Variants in CUBN observed in about 807,000 individuals in gnomAD.
The protein encoded by CUBN is cubilin, also known as 460 kDa receptor.
A neutral mutation model predicts 405.3 loss-of-function variants in CUBN; 282 were observed. The observed-to-expected ratio is 0.70, with a 90% CI of 0.63 to 0.77. The LOEUF is 0.77. Ranked by LOEUF, CUBN falls within the 30% of genes least tolerant of loss-of-function variation. The pLI is 0.00. For missense variants in CUBN, 4,514 were observed against 4,475.2 expected (o/e 1.01, Z -0.25); for synonymous variants, 1,684 against 1,617.0 (o/e 1.04, Z -0.99).
intron 48 of CUBN, among the ~76,000 whole-genome samples, chr10:16,911,990 A>AT (rs1478494295): frequency 1.4e-4 from 21 of 152,256 alleles, no homozygotes; most frequent in African/African-American, 4.3e-4. Context: ...AGTGGTTAGT[A>AT]TTTTTTCTAC....
In CUBN at chr10:16,948,490, C is replaced by T. The variant is rs780475475; in HGVS notation, c.5197G>A (p.Ala1733Thr). Residue 1733 changes from alanine to threonine, a missense_variant, in exon 35 of 67, where the codon GCA becomes ACA. Transcript: ENST00000377833. ...SAGGFHTTVT[A>T]SVSACGGTFY... ...TAGGGTTTCTTACCCGACACTGATG[C>T]GGTGACCGTGGTGTGGAAACCCCCA... 1.7e-5 allele frequency: 27 copies of T among 1,613,776 alleles called. No homozygotes were observed. The highest frequency in any genetic ancestry group is 4.0e-5 in the African/African-American group (3 of 74,896).
At position 17,045,134 on chromosome 10, in the gene CUBN, G is replaced by A. The variant is rs199636722; in HGVS notation, c.3545C>T (p.Pro1182Leu). Residue 1182 changes from proline (P) to leucine (L), a missense_variant, in exon 25 of 67, where the codon CCG becomes CTG. Pro to Leu is a moderately conservative substitution (Grantham distance 98). Coordinates refer to ENST00000377833, the MANE Select transcript of CUBN (RefSeq NM_001081.4). ...TTCAGAGCTGTGGTAATAGGGCATC[G>A]GGTAGTTGGGAGATATGAACGTGCC... ...SSGTFISPNY[P>L]MPYYHSSECY... The A allele has an allele frequency of 4.3e-6, 7 of 1,613,892 alleles. No individual in the cohort carries two copies. Among genetic ancestry groups the A allele is most frequent in the East Asian group, 2.2e-5 (1 of 44,858 alleles).
At chr10:17,089,066 C>G (rs1385284130) in intron 14 of CUBN, among the ~76,000 whole-genome samples, 2 of 152,044 alleles carry the variant, frequency 1.3e-5, no homozygotes, top group Admixed American at 1.3e-4. Flanking sequence ...TACTGTAAAT[C>G]AAATGACAGA....
rs867686659 is a variant in CUBN at position 17,047,583 on chromosome 10, CT to C, written c.3159del (p.Asp1054MetfsTer27). The C allele has an allele frequency of 1.2e-6, 2 of 1,614,000 alleles. No individual in the cohort carries two copies. Among genetic ancestry groups the C allele is most frequent in the Non-Finnish European group, 1.7e-6 (2 of 1,179,908 alleles). ...SAATACLQDY[T>X]DDLGTFTSPN... ...GGAGAAGTGAATGTCCCCAAATCAT[CT>C]GTGTAGTCTTGCAAACATGCTGTGA... On this transcript the variant is annotated frameshift_variant, in exon 23 of 67. Coordinates refer to ENST00000377833, the MANE Select transcript of CUBN (RefSeq NM_001081.4). LOFTEE classifies it high-confidence loss of function.
At chr10:17,047,386 T>C (rs1835161217) in intron 23 of CUBN, 28 bp downstream of exon 23, 7 of 1,511,332 alleles carry the variant, frequency 4.6e-6, no homozygotes, top group Admixed American at 1.7e-5. Flanking sequence ...AATGAAAAGA[T>C]TATAATGAAA....
At chr10:16,899,207 C>T in intron 53 of CUBN, 24 bp from the exon 54 acceptor site, 11 of 1,592,960 alleles carry the variant, frequency 6.9e-6, no homozygotes, top group South Asian at 1.1e-5. Context: ...ATGTAAAAAG[C>T]CATCAATCAG....
chr10:16,909,719 C>G (rs2131443929), intron 48 of CUBN, among the ~76,000 whole-genome samples: 1 of 152,314 alleles, frequency 6.6e-6, no homozygotes, highest in Non-Finnish European at 1.5e-5. Context: ...TAGAAGCAAC[C>G]AGAATGCAAT....
intron 59 of CUBN, among the ~76,000 whole-genome samples, chr10:16,860,536 A>G (rs1342118035): frequency 6.6e-6 from 1 of 152,238 alleles, no homozygotes; most frequent in Non-Finnish European, 1.5e-5. Context: ...TAACTCTCTT[A>G]TCTGACTACC....
intron 27 of CUBN, among the ~76,000 whole-genome samples, chr10:17,020,562 T>C (rs1342152797): frequency 6.6e-6 from 1 of 152,240 alleles, no homozygotes; most frequent in African/African-American, 2.4e-5. Context: ...AATACAAATA[T>C]TGATTCGACT....
At chr10:16,860,306 A>C (rs1395383237) in intron 59 of CUBN, among the ~76,000 whole-genome samples, 1 of 152,194 alleles carries the variant, frequency 6.6e-6, no homozygotes, top group Non-Finnish European at 1.5e-5. Flanking sequence ...AAGGGTTTAA[A>C]AACATATCAC....
chr10:17,046,227 A>G, intron 23 of CUBN, 133 bp from the exon 24 acceptor site: 2 of 749,564 alleles, frequency 2.7e-6, no homozygotes, highest in Non-Finnish European at 4.4e-6. Context: ...CAAACACTAC[A>G]CTTACTCTAA....
At chr10:17,031,340 T>A (rs567823776) in intron 27 of CUBN, among the ~76,000 whole-genome samples, 20 of 152,308 alleles carry the variant, frequency 1.3e-4, no homozygotes, top group African/African-American at 4.8e-4. Flanking sequence ...ACAGTGAACA[T>A]TTATAGATTT....
At chr10:16,825,628 A>AGTGTGTGTGT (rs377156071) in intron 66 of CUBN, among the ~76,000 whole-genome samples, 2,561 of 135,952 alleles carry the variant, frequency 0.019, 39 homozygotes, top group Non-Finnish European at 0.025. Flanking sequence ...TCTGTGGAAC[A>AGTGTGTGTGT]GTGTGTGTGT....
chr10:17,103,321 T>G, intron 12 of CUBN, 84 bp from the exon 13 acceptor site: 2 of 833,410 alleles, frequency 2.4e-6, no homozygotes, highest in Non-Finnish European at 4.2e-6. Context: ...GCTGATAAAC[T>G]TAGAGAAAAT....
At chr10:17,072,042 G>T (rs1835752272) in intron 17 of CUBN, 71 bp from the exon 18 acceptor site, 1 of 1,251,892 alleles carries the variant, frequency 8.0e-7, no homozygotes. Context: ...GGCGTTACTT[G>T]GAGATGAAAA....
chr10:16,878,674 T>C (rs1182325352), intron 56 of CUBN, among the ~76,000 whole-genome samples: 2 of 152,198 alleles, frequency 1.3e-5, no homozygotes, highest in African/African-American at 2.4e-5. Flanking sequence ...TCATTGCCCA[T>C]AGGAAAATGT....
At chr10:16,983,490 G>A (rs118047777) in intron 30 of CUBN, among the ~76,000 whole-genome samples, 3,706 of 152,228 alleles carry the variant, frequency 0.024, 68 homozygotes, top group Middle Eastern at 0.099. Context: ...GATATGAAGC[G>A]GACTTCCCTC....
rs752843169 is a variant in CUBN, at chr10:16,840,440, A to G, written c.9922T>C (p.Trp3308Arg). 4.8e-5 allele frequency: 77 copies of G among 1,614,016 alleles called. No individual in the cohort carries two copies. The South Asian group carries it at 7.7e-4, about 16-fold the overall frequency. ...TGATGCGGAGGGGAATCAATGACCC[A>G]AGTACAGATGGAAAATGGGACATCT... ...DPDVPFSICT[W>R]VIDSPPHQQV... is the part of the protein sequence containing the mutation. The change falls in exon 62 of 67, where the codon TGG (tryptophan) becomes CGG (arginine). Residue 3308 changes from tryptophan to arginine, a missense_variant. By Grantham distance (101) the Trp-to-Arg change is moderately radical. Around this residue, in one of 5 missense-constraint regions of CUBN, gnomAD observed 1,186 missense variants for 1,186.9 expected, o/e 1.00. Transcript: ENST00000377833.
intron 36 of CUBN, among the ~76,000 whole-genome samples, chr10:16,944,832 A>G (rs1056812761): frequency 5.3e-5 from 8 of 152,194 alleles, no homozygotes; most frequent in Admixed American, 3.9e-4. Context: ...AGGAGAGCCT[A>G]GTGCTGCCCG....
Sources: allele counts gnomAD v4.1 joint callset (sites outside exome capture counted in the v4.1 genomes callset), GRCh38; gene constraint gnomAD v4.1.1; regional missense constraint gnomAD v4.1.1; transcripts MANE v1.5; gene names NCBI Gene and HGNC (gene_info 2026-07-23, HGNC 2026-07-21).